Variants in KIF26B observed in about 807,000 individuals in gnomAD.
KIF26B encodes kinesin-like protein KIF26B.
A neutral mutation model predicts 151.2 loss-of-function variants in KIF26B; 63 were observed. The ratio of observed to expected loss-of-function variants is 0.42; its 90% CI spans 0.34 to 0.51. The LOEUF (loss-of-function observed/expected upper bound fraction) is 0.51. Among genes scored for constraint, KIF26B ranks in the 20% least tolerant of loss-of-function variants. The pLI, the probability that KIF26B is intolerant of heterozygous loss-of-function variation, is 0.07. For missense variants in KIF26B, 2,813 were observed against 2,913.6 expected, an observed-to-expected ratio of 0.97 and a Z score of 0.79; for synonymous variants, 1,357 against 1,262.1, an observed-to-expected ratio of 1.08 and a Z score of -1.59.
At position 245,177,904 on chromosome 1, in the gene KIF26B, T is replaced by C. The variant is rs551586635; in HGVS notation, c.465+21221T>C. Reference sequence around the variant, plus strand: ...GACTCAGTCAGCGGGGATTAGGGTTTTTTGTTTAGAGAGAAGGTAAAAAGG... The same window carrying C: ...GACTCAGTCAGCGGGGATTAGGGTTCTTTGTTTAGAGAGAAGGTAAAAAGG... On this transcript the variant is annotated intron_variant, in intron 2 of 14. Coordinates refer to ENST00000407071, the MANE Select transcript of KIF26B (RefSeq NM_018012.4). Among the ~76,000 whole-genome samples the C allele has an allele frequency of 5.3e-5, 8 of 152,198 alleles. No homozygotes were observed. In the South Asian group the frequency reaches 1.7e-3, roughly 32 times the overall value.
At chr1:245,291,994 G>T (rs571575602) in intron 2 of KIF26B, among the ~76,000 whole-genome samples, 2 of 152,138 alleles carry the variant, frequency 1.3e-5, no homozygotes, top group Admixed American at 6.5e-5. Context: ...AGAGATGACT[G>T]GAAAGCTGTT....
chr1:245,651,981 G>A lies in KIF26B; in HGVS notation c.2258+5701G>A, dbSNP rs192872484. 1.8e-3 allele frequency among the ~76,000 whole-genome samples: 280 copies of A among 152,212 alleles called. 1 individual carries two copies. The highest frequency in any genetic ancestry group is 4.3e-3 in the Admixed American group (65 of 15,278). ...AGGAAAGGCTCTTCCTCAGGACTTG[G>A]ATGTATATTACTTAGACGTACCATG... is the stretch of plus-strand genomic sequence containing the variant. On this transcript the variant is annotated intron_variant, in intron 10 of 14. Coordinates refer to ENST00000407071, the MANE Select transcript of KIF26B (RefSeq NM_018012.4).
intron 2 of KIF26B, among the ~76,000 whole-genome samples, chr1:245,275,718 T>C (rs1157708854): frequency 6.6e-6 from 1 of 152,198 alleles, no homozygotes; most frequent in Non-Finnish European, 1.5e-5. Flanking sequence ...GTATTCTGTA[T>C]TTGTCTATAT....
chr1:245,628,728 A>G (rs1469942234), intron 9 of KIF26B, among the ~76,000 whole-genome samples: 1 of 152,198 alleles, frequency 6.6e-6, no homozygotes, highest in Non-Finnish European at 1.5e-5. Flanking sequence ...CCTATTCAAC[A>G]TAGTGTTAGA....
chr1:245,679,457 G>GTTTTTTTTTTTT (rs35663208), intron 10 of KIF26B, among the ~76,000 whole-genome samples: 1 of 59,176 alleles, frequency 1.7e-5, no homozygotes, highest in Non-Finnish European at 3.2e-5. Flanking sequence ...TTTTGTGTGT[G>GTTTTTTTTTTTT]TTTTTTTTTT....
chr1:245,221,346 G>T lies in KIF26B; in HGVS notation c.465+64663G>T, dbSNP rs116788073. 2.2e-3 allele frequency among the ~76,000 whole-genome samples: 309 copies of T among 142,938 alleles called. 2 individuals carry two copies. The highest frequency in any genetic ancestry group is 7.6e-3 in the African/African-American group (291 of 38,416). The allele number at this position is 142,938 out of a possible 152,430, so 93.8% of individuals were successfully genotyped here. On this transcript the variant is annotated intron_variant, in intron 2 of 14. Coordinates refer to ENST00000407071, the MANE Select transcript of KIF26B (RefSeq NM_018012.4). ...TTCTAACAAGCGTGGTGGCCCTTCAGTCAGAAGTGGCCTTTCTCTGAAGTT... is the reference window on the plus strand; with the variant it reads ...TTCTAACAAGCGTGGTGGCCCTTCATTCAGAAGTGGCCTTTCTCTGAAGTT...
chr1:245,248,991 G>T (rs1670389295), intron 2 of KIF26B, among the ~76,000 whole-genome samples: 1 of 152,202 alleles, frequency 6.6e-6, no homozygotes, highest in Non-Finnish European at 1.5e-5. Context: ...TTTGAAATAA[G>T]AACAAAGAAA....
chr1:245,425,074 T>TC (rs202088534), intron 4 of KIF26B, among the ~76,000 whole-genome samples: 4 of 117,304 alleles, frequency 3.4e-5, no homozygotes, highest in Admixed American at 8.7e-5. Flanking sequence ...GGCCTTTTTT[T>TC]TTTTTTTGCA....
At position 245,705,727 on chromosome 1, in the gene KIF26B, G is replaced by A. The variant is rs576089375; in HGVS notation, c.*3121G>A. On this transcript the variant is annotated 3_prime_UTR_variant, in exon 15 of 15. Coordinates refer to ENST00000407071, the MANE Select transcript of KIF26B (RefSeq NM_018012.4). ...GCAAAACTAAGATCTAAGAACGGGC[G>A]GTGGTGCTATTGTGTCCCTGGGAGT... 2.0e-5 allele frequency: 3 copies of A among 152,338 alleles called. No homozygotes were observed. The highest frequency in any genetic ancestry group is 1.9e-4 in the East Asian group (1 of 5,188). The allele number at this position is 152,338 out of a possible 1,614,324, so 9.4% of individuals were successfully genotyped here. A position where few individuals can be genotyped will look rare whatever the true frequency, so the allele number is the denominator to read the frequency against.
At chr1:245,573,246 G>A (rs1032578802) in intron 5 of KIF26B, among the ~76,000 whole-genome samples, 5 of 152,228 alleles carry the variant, frequency 3.3e-5, no homozygotes, top group African/African-American at 1.2e-4. Context: ...TAATGAGGCC[G>A]GGAGCAGCGG....
At chr1:245,659,080 A>T (rs527924627) in intron 10 of KIF26B, among the ~76,000 whole-genome samples, 38 of 152,058 alleles carry the variant, frequency 2.5e-4, no homozygotes, top group East Asian at 1.2e-3. Flanking sequence ...AAAAAAATTT[A>T]AAAGTATAGT....
rs998388524 is a variant in KIF26B at position 245,170,982 on chromosome 1, A to T, written c.465+14299A>T. Among the ~76,000 whole-genome samples the T allele has an allele frequency of 2.0e-5, 3 of 152,172 alleles. No individual in the cohort carries two copies. The highest frequency in any genetic ancestry group is 4.4e-5 in the Non-Finnish European group (3 of 68,032). ...GATGGTAACATGTGATTACATCCCAATGGAGTTGGGCATGAGAATAAGAAA... is the reference window on the plus strand; with the variant it reads ...GATGGTAACATGTGATTACATCCCATTGGAGTTGGGCATGAGAATAAGAAA... On this transcript the variant is annotated intron_variant, in intron 2 of 14. Coordinates refer to ENST00000407071, the MANE Select transcript of KIF26B (RefSeq NM_018012.4). The surrounding 1 kb of genome is among the most constrained non-coding windows in gnomAD (Gnocchi z 4.4).
At chr1:245,581,926 G>GAGGAAGGAAGGA (rs141698408) in intron 5 of KIF26B, among the ~76,000 whole-genome samples, 29,166 of 142,050 alleles carry the variant, frequency 0.21, 3,218 homozygotes, top group East Asian at 0.31. Context: ...AAGAGAGAAA[G>GAGGAAGGAAGGA]AGGAAGGAAG....
chr1:245,156,719 G>A, intron 2 of KIF26B, 36 bp downstream of exon 2: 1 of 1,349,686 alleles, frequency 7.4e-7, no homozygotes. Flanking sequence ...GGAGGCGCCG[G>A]GAGGGCGGGG....
Position 245,394,684 on chromosome 1 carries a change from C to CTTTTTT in KIF26B, c.1000-24892_1000-24891insTTTTTT, listed in dbSNP as rs1444711983. 4.3e-3 allele frequency among the ~76,000 whole-genome samples: 535 copies of CTTTTTT among 124,282 alleles called. 14 individuals are homozygous for CTTTTTT. Among genetic ancestry groups the CTTTTTT allele is most frequent in the Middle Eastern group, 8.4e-3 (2 of 238 alleles). 81.5% of individuals were successfully genotyped at this position (124,282 alleles called of 152,430 possible). ...TTAAAAAGTACCTTCAAGTTTTTTTCTTTCTTTTTTTTTTTTTTTTTTTGA... is the reference window on the plus strand; with the variant it reads ...TTAAAAAGTACCTTCAAGTTTTTTTCTTTTTTTTTCTTTTTTTTTTTTTTTTTTTGA... On this transcript the variant is annotated intron_variant, in intron 3 of 14. Transcript: ENST00000407071.
chr1:245,218,785 A>G lies in KIF26B; in HGVS notation c.465+62102A>G, dbSNP rs79509542. ...CTAAATCTATGAATTAATAAACAGG[A>G]TGAGCCTTTTTAAAAAAGGGAGCTT... On this transcript the variant is annotated intron_variant, in intron 2 of 14. Transcript: ENST00000407071. This position sits in a 1 kb window ranked among gnomAD's most constrained non-coding sequence, Gnocchi z 4.1. Among the ~76,000 whole-genome samples, 933 of 152,310 alleles carry G rather than the reference A, an allele frequency of 6.1e-3. 55 individuals are homozygous for G. The East Asian group carries it at 0.14, about 23-fold the overall frequency.
At chr1:245,672,107 G>A (rs1014191635) in intron 10 of KIF26B, among the ~76,000 whole-genome samples, 2 of 152,026 alleles carry the variant, frequency 1.3e-5, no homozygotes, top group African/African-American at 2.4e-5. Flanking sequence ...TGAGCCCATC[G>A]GGCGAGCCCT....
chr1:245,492,884 G>A (rs1279034247), intron 4 of KIF26B, among the ~76,000 whole-genome samples: 1 of 152,054 alleles, frequency 6.6e-6, no homozygotes, highest in East Asian at 1.9e-4. Context: ...GGGTTCAAGC[G>A]ATTCTCCTGC....
intron 12 of KIF26B, among the ~76,000 whole-genome samples, chr1:245,694,539 C>G (rs534893729): frequency 6.0e-4 from 92 of 152,334 alleles, no homozygotes; most frequent in African/African-American, 2.0e-3. Context: ...GCAGCATCTG[C>G]AGACTCGTGT....
Sources: allele counts gnomAD v4.1 joint callset (sites outside exome capture counted in the v4.1 genomes callset), GRCh38; gene constraint gnomAD v4.1.1; non-coding constraint Gnocchi (gnomAD v3.1); transcripts MANE v1.5; gene names NCBI Gene and HGNC (gene_info 2026-07-23, HGNC 2026-07-21).